ZNF536: variants seen among roughly 807,000 people sequenced by gnomAD.
ZNF536 encodes the protein zinc finger protein 536.
Under a neutral mutation model 84.5 loss-of-function variants are expected in ZNF536, and 13 were observed. The observed-to-expected ratio is 0.15, with a 90% CI of 0.10 to 0.24. ZNF536 has a LOEUF of 0.24. ZNF536 is among the 10% of genes least tolerant of loss of function. The pLI is 1.00. For synonymous variants in ZNF536, 811 were observed against 742.5 expected, an observed-to-expected ratio of 1.09 and a Z score of -1.50; for missense variants, 1,536 against 1,747.5, an observed-to-expected ratio of 0.88 and a Z score of 2.16.
chr19:30,491,581 C>G (rs1181167405), intron 2 of ZNF536, among the ~76,000 whole-genome samples: 1 of 152,194 alleles, frequency 6.6e-6, no homozygotes, highest in East Asian at 1.9e-4. Context: ...AGTCCTAAGG[C>G]AAACAGTTTG....
rs1487675648 is a variant in ZNF536 at position 30,228,995 on chromosome 19, G to A, written c.-190+322G>A. ...TTGCCTGGGTCGGGGGCGGGCAGTC[G>A]GTCCCAGTGGCCGCCGCTGAGGGCA... On this transcript the variant is annotated intron_variant, in intron 1 of 5. Transcript: ENST00000585628. The surrounding 1 kb of genome is among the most constrained non-coding windows in gnomAD (Gnocchi z 4.5). Among the ~76,000 whole-genome samples, 1 of 152,046 alleles carries A rather than the reference G, an allele frequency of 6.6e-6. No individual in the cohort carries two copies. Among genetic ancestry groups the A allele is most frequent in the Non-Finnish European group, 1.5e-5 (1 of 67,996 alleles).
chr19:30,664,741 A>C (rs531882672), intron 1 of ZNF536, among the ~76,000 whole-genome samples: 62 of 152,040 alleles, frequency 4.1e-4, no homozygotes, highest in Non-Finnish European at 7.9e-4. Flanking sequence ...CTTTGAACAC[A>C]CTCTGCTCCC....
At position 30,443,736 on chromosome 19, in the gene ZNF536, G is replaced by T; in HGVS notation, c.174G>T (p.Glu58Asp). 1 of 1,613,096 alleles carries T rather than the reference G, an allele frequency of 6.2e-7. No individual in the cohort carries two copies. Among genetic ancestry groups the T allele is most frequent in the Non-Finnish European group, 8.5e-7 (1 of 1,179,666 alleles). Residue 58 changes from glutamate to aspartate, a missense_variant, in exon 2 of 5, where the codon GAG becomes GAT. Around this residue, in one of 8 missense-constraint regions of ZNF536, gnomAD observed 161 missense variants for 178.5 expected, o/e 0.90. Coordinates refer to ENST00000355537, the MANE Select transcript of ZNF536 (RefSeq NM_014717.3). ...TCCATCCCCGGCCCAACCCCGAGGA[G>T]AAGCCCCCCGCATCCCTGGAGGAGA... ...PELHPRPNPE[E>D]KPPASLEEKA... is the part of the protein sequence containing the mutation.
chr19:30,311,236 C>A (rs936267469), intron 2 of ZNF536, among the ~76,000 whole-genome samples: 1 of 152,178 alleles, frequency 6.6e-6, no homozygotes, highest in Non-Finnish European at 1.5e-5. Context: ...CCATCTGTCC[C>A]TGAGCTCCTG....
At chr19:30,696,678 A>G (rs968667860) in intron 1 of ZNF536, among the ~76,000 whole-genome samples, 5 of 152,012 alleles carry the variant, frequency 3.3e-5, no homozygotes, top group African/African-American at 1.2e-4. Context: ...ATGGCGGGGG[A>G]TGAAGTTGCT....
chr19:30,260,887 C>G (rs2025173224), intron 1 of ZNF536, among the ~76,000 whole-genome samples: 1 of 152,230 alleles, frequency 6.6e-6, no homozygotes, highest in Admixed American at 6.5e-5. Flanking sequence ...CCTGGCCCAT[C>G]CCATTGACTC....
intron 2 of ZNF536, among the ~76,000 whole-genome samples, chr19:30,491,923 GA>G (rs2098011665): frequency 6.6e-6 from 1 of 151,574 alleles, no homozygotes; most frequent in Non-Finnish European, 1.5e-5. Context: ...TATATTCCTT[GA>G]TCAGTCTTGT....
chr19:30,445,005 G>T lies in ZNF536; in HGVS notation c.1443G>T (p.Pro481=), dbSNP rs184529144. 6.2e-7 allele frequency: 1 copy of T among 1,611,566 alleles called. No individual in the cohort carries two copies. The highest frequency in any genetic ancestry group is 8.5e-7 in the Non-Finnish European group (1 of 1,178,804). ...TCTCCAGCATGGCCCACGGCGTCCC[G>T]GAGGGGGACAAGCACTCCCTCCTGG... ...SPISSMAHGV[P]EGDKHSLLGC... The change falls in exon 2 of 5, where the codon CCG becomes CCT. Residue 481 remains proline (P), a synonymous_variant. Transcript: ENST00000355537. This position sits in a 1 kb window ranked among gnomAD's most constrained non-coding sequence, Gnocchi z 4.5.
At chr19:30,542,041 C>G (rs193252676) in intron 3 of ZNF536, among the ~76,000 whole-genome samples, 2 of 152,092 alleles carry the variant, frequency 1.3e-5, no homozygotes, top group Admixed American at 1.3e-4. Flanking sequence ...ATTGAGGATG[C>G]AAATACAGGA....
chr19:30,264,309 G>A (rs2025380783), intron 1 of ZNF536, among the ~76,000 whole-genome samples: 2 of 152,118 alleles, frequency 1.3e-5, no homozygotes, highest in South Asian at 2.1e-4. Flanking sequence ...TAGAGGAGCC[G>A]GGTAGCTGGG....
At chr19:30,495,040 TG>T (rs759618566) in intron 2 of ZNF536, among the ~76,000 whole-genome samples, 15 of 152,008 alleles carry the variant, frequency 9.9e-5, no homozygotes, top group Admixed American at 2.0e-4. Context: ...TTACACATTA[TG>T]GCCAAAAGCC....
intron 1 of ZNF536, among the ~76,000 whole-genome samples, chr19:30,374,078 G>T (rs1464982480): frequency 6.6e-6 from 1 of 152,168 alleles, no homozygotes; most frequent in East Asian, 1.9e-4. Context: ...TGGTGATATA[G>T]GTATGGGCAT....
Position 30,557,244 on chromosome 19 carries a change from C to A in ZNF536, c.*80C>A, listed in dbSNP as rs1319798464. On this transcript the variant is annotated 3_prime_UTR_variant, in exon 5 of 5. Transcript: ENST00000355537. Reference sequence around the variant, plus strand: ...CGGTGGTTATCTGCAGCTTGTTAATCGTGTAAAGTCAAGAGAAGAATGTAT... The same window carrying A: ...CGGTGGTTATCTGCAGCTTGTTAATAGTGTAAAGTCAAGAGAAGAATGTAT... 1.3e-6 allele frequency: 2 copies of A among 1,506,910 alleles called. No individual in the cohort carries two copies. Among genetic ancestry groups the A allele is most frequent in the African/African-American group, 1.4e-5 (1 of 72,534 alleles). The allele number at this position is 1,506,910 out of a possible 1,614,324, so 93.3% of individuals were successfully genotyped here.
At chr19:30,357,240 G>C (rs1042069348) in intron 3 of ZNF536, among the ~76,000 whole-genome samples, 50 of 152,342 alleles carry the variant, frequency 3.3e-4, no homozygotes, top group Middle Eastern at 3.4e-3. Context: ...GGTAGCTAGA[G>C]GTCTGGAGGA....
At chr19:30,601,025 C>T (rs1279204981) in intron 1 of ZNF536, among the ~76,000 whole-genome samples, 1 of 152,226 alleles carries the variant, frequency 6.6e-6, no homozygotes, top group African/African-American at 2.4e-5. Context: ...TAAACTCTCA[C>T]TTCCAGGCCA....
At chr19:30,238,139 T>C (rs2023674317) in intron 1 of ZNF536, among the ~76,000 whole-genome samples, 1 of 152,236 alleles carries the variant, frequency 6.6e-6, no homozygotes, top group East Asian at 1.9e-4. Flanking sequence ...GCTACTCTTA[T>C]TACTTGTGTA....
intron 2 of ZNF536, among the ~76,000 whole-genome samples, chr19:30,312,781 G>C (rs894818470): frequency 6.6e-6 from 1 of 152,166 alleles, no homozygotes; most frequent in Non-Finnish European, 1.5e-5. Context: ...ACTGTGCCTC[G>C]GGCGGCCTAG....
At chr19:30,546,760 C>G (rs886103877) in intron 3 of ZNF536, among the ~76,000 whole-genome samples, 1 of 152,198 alleles carries the variant, frequency 6.6e-6, no homozygotes, top group Non-Finnish European at 1.5e-5. Context: ...GACAGGGCAC[C>G]ATTGTGAATA....
intron 2 of ZNF536, among the ~76,000 whole-genome samples, chr19:30,505,125 G>C (rs1449395966): frequency 6.6e-6 from 1 of 151,508 alleles, no homozygotes; most frequent in Non-Finnish European, 1.5e-5. Context: ...AGAGTAATTT[G>C]GGAAACATGT....
Sources: gnomAD v4.1 joint callset for allele counts (sites outside exome capture counted in the v4.1 genomes callset) on GRCh38, gnomAD v4.1.1 for gene constraint, gnomAD v4.1.1 regional missense constraint, Gnocchi (gnomAD v3.1) non-coding constraint, MANE v1.5 for transcripts, NCBI Gene and HGNC (gene_info 2026-07-23, HGNC 2026-07-21) for gene names.